SORL1: variants seen among roughly 807,000 people sequenced by gnomAD.
SORL1 encodes the protein sortilin-related receptor.
Under a neutral mutation model 273.7 loss-of-function variants are expected in SORL1, and 127 were observed. The ratio of observed to expected loss-of-function variants is 0.46; its 90% CI spans 0.40 to 0.54. The LOEUF is 0.54. SORL1 is among the 20% of genes least tolerant of loss of function. The pLI, the probability that SORL1 is intolerant of heterozygous loss-of-function variation, is 0.00. For missense variants in SORL1, 2,494 were observed against 2,846.1 expected (o/e 0.88, Z 2.81); for synonymous variants, 1,031 against 1,067.4 (o/e 0.97, Z 0.66).
intron 23 of SORL1, among the ~76,000 whole-genome samples, chr11:121,572,950 A>G (rs1217910274): frequency 1.3e-5 from 2 of 151,942 alleles, no homozygotes; most frequent in East Asian, 3.9e-4. Flanking sequence ...GTGCACGACA[A>G]CCCCTCCCCC....
intron 14 of SORL1, among the ~76,000 whole-genome samples, chr11:121,547,417 C>CAAAAAAAAAAAAAAAAAAAAAAAA (rs67390938): frequency 1.2e-4 from 3 of 24,034 alleles, no homozygotes; most frequent in Admixed American, 6.9e-4. Flanking sequence ...CAACCCTCAC[C>CAAAAAAAAAAAAAAAAAAAAAAAA]AAAAAAAAAA....
At chr11:121,537,945 C>A (rs1306204103) in intron 12 of SORL1, among the ~76,000 whole-genome samples, 1 of 152,182 alleles carries the variant, frequency 6.6e-6, no homozygotes, top group African/African-American at 2.4e-5. Flanking sequence ...TGATGAATAT[C>A]CTCGGTTCCT....
At chr11:121,524,461 G>C (rs1432229678) in intron 11 of SORL1, among the ~76,000 whole-genome samples, 1 of 152,200 alleles carries the variant, frequency 6.6e-6, no homozygotes, top group African/African-American at 2.4e-5. Flanking sequence ...CTTATTTTGG[G>C]ACATAGCAGA....
chr11:121,558,910 C>A (rs1243208457), intron 20 of SORL1, 73 bp downstream of exon 20: 1 of 1,567,548 alleles, frequency 6.4e-7, no homozygotes, highest in Non-Finnish European at 8.7e-7. Context: ...AGCCTGCATC[C>A]CTGGGCTTTG....
chr11:121,508,267 A>G, intron 6 of SORL1, among the ~76,000 whole-genome samples: 1 of 152,138 alleles, frequency 6.6e-6, no homozygotes, highest in Non-Finnish European at 1.5e-5. Context: ...TTCTTTCTTG[A>G]GCATACTCAC....
Position 121,543,625 on chromosome 11 carries a change from C to T in SORL1, c.1763C>T (p.Thr588Ile), listed in dbSNP as rs752726649. ...EKPVFVYGLL[T>I]EPGEKSTVFT... ...CCAGTGTTTGTGTATGGCCTCCTCA[C>T]AGAACCTGGGGAGAAGAGCACTGTC... Residue 588 changes from threonine to isoleucine, a missense_variant, in exon 13 of 48, where the codon ACA becomes ATA. Around this residue, in one of 3 missense-constraint regions of SORL1, gnomAD observed 710 missense variants for 882.5 expected, o/e 0.80. Coordinates refer to ENST00000260197, the MANE Select transcript of SORL1 (RefSeq NM_003105.6). 10 of 1,614,008 alleles carry T rather than the reference C, an allele frequency of 6.2e-6. No homozygotes were observed. Among genetic ancestry groups the T allele is most frequent in the African/African-American group, 1.3e-5 (1 of 74,938 alleles).
In SORL1 at chr11:121,598,453, C is replaced by T. The variant is rs561740769; in HGVS notation, c.4519+2681C>T. The stretch of plus-strand genomic sequence containing the variant: ...GAGTCGCAGCTTTCCCTGGGTGGGG[C>T]TAGCACGATGGTGGGTTCATTGATT... On this transcript the variant is annotated intron_variant, in intron 32 of 47. Transcript: ENST00000260197. 2.6e-5 allele frequency among the ~76,000 whole-genome samples: 4 copies of T among 152,266 alleles called. No individual in the cohort carries two copies. The East Asian group carries it at 7.7e-4, about 29-fold the overall frequency.
intron 5 of SORL1, among the ~76,000 whole-genome samples, chr11:121,492,001 T>C (rs1304830431): frequency 3.9e-5 from 6 of 152,136 alleles, no homozygotes; most frequent in African/African-American, 9.7e-5. Flanking sequence ...CTCATTCCAG[T>C]CTTTGCTCAA....
chr11:121,497,543 G>A (rs2134824597), intron 6 of SORL1, among the ~76,000 whole-genome samples: 1 of 152,308 alleles, frequency 6.6e-6, no homozygotes, highest in East Asian at 1.9e-4. Flanking sequence ...CAGTAATTAA[G>A]CTTCCAGCTG....
At chr11:121,604,771 A>G (rs1010524597) in intron 33 of SORL1, among the ~76,000 whole-genome samples, 1 of 152,148 alleles carries the variant, frequency 6.6e-6, no homozygotes, top group Non-Finnish European at 1.5e-5. Flanking sequence ...TCACGACCGG[A>G]AAAGTAGGAG....
chr11:121,581,853 C>G (rs1863019937), intron 25 of SORL1, among the ~76,000 whole-genome samples: 2 of 152,096 alleles, frequency 1.3e-5, no homozygotes, highest in South Asian at 4.2e-4. Context: ...TTGGTTTAGG[C>G]AACTTTATAT....
intron 3 of SORL1, among the ~76,000 whole-genome samples, chr11:121,478,643 C>T (rs1039451874): frequency 6.6e-5 from 10 of 151,966 alleles, no homozygotes; most frequent in Non-Finnish European, 1.5e-4. Flanking sequence ...TGCTTGTATG[C>T]GTGTGTGTGC....
intron 3 of SORL1, among the ~76,000 whole-genome samples, chr11:121,479,246 G>A (rs369619615): frequency 2.0e-5 from 3 of 152,252 alleles, no homozygotes; most frequent in East Asian, 1.9e-4. Context: ...CCGGGCAGCC[G>A]GCAAGGCTTT....
chr11:121,599,043 G>C (rs1309595534), intron 32 of SORL1, among the ~76,000 whole-genome samples: 1 of 151,802 alleles, frequency 6.6e-6, no homozygotes, highest in Non-Finnish European at 1.5e-5. Context: ...TTATTTGTTT[G>C]TTTATTTTAG....
chr11:121,576,739 C>G (rs1360607887), intron 24 of SORL1: 4 of 1,455,214 alleles, frequency 2.7e-6, no homozygotes, highest in Non-Finnish European at 3.6e-6. Context: ...CGCATCCACC[C>G]GTGTCCCTGG....
At chr11:121,480,481 C>T (rs138404605) in intron 3 of SORL1, among the ~76,000 whole-genome samples, 203 of 152,184 alleles carry the variant, frequency 1.3e-3, no homozygotes, top group African/African-American at 4.5e-3. Context: ...CTCACTCTTG[C>T]GGAGGTTGTG....
At chr11:121,459,678 G>A (rs1860961471) in intron 1 of SORL1, among the ~76,000 whole-genome samples, 1 of 152,360 alleles carries the variant, frequency 6.6e-6, no homozygotes, top group Admixed American at 6.5e-5. Context: ...CTAAGGTGGA[G>A]CGCAGACCCT....
Position 121,629,682 on chromosome 11 carries a change from A to G in SORL1, c.*119A>G, listed in dbSNP as rs1261762563. 6.6e-6 allele frequency: 4 copies of G among 605,554 alleles called. No homozygotes were observed. The highest frequency in any genetic ancestry group is 1.2e-5 in the Non-Finnish European group (4 of 340,602). 37.5% of individuals were successfully genotyped at this position (605,554 alleles called of 1,614,324 possible). On this transcript the variant is annotated 3_prime_UTR_variant, in exon 48 of 48. Transcript: ENST00000260197. ...ATATGTTATTTTTATATGGGCCAAA[A>G]ACAAAAAACAAAAAAAAAAAAAAGG...
rs764978810 is a variant in SORL1 at position 121,550,127 on chromosome 11, G to C, written c.2180+39G>C. 2.5e-6 allele frequency: 4 copies of C among 1,598,738 alleles called. No individual in the cohort carries two copies. The South Asian group carries it at 4.5e-5, about 18-fold the overall frequency. ...AGGTTGCCCTGTCAGGTTCTCAGCG[G>C]TCCGCACATGGAGCGAGAGAGCATA... On this transcript the variant is annotated intron_variant, in intron 15 of 47. Coordinates refer to ENST00000260197, the MANE Select transcript of SORL1 (RefSeq NM_003105.6). This position sits in a 1 kb window ranked among gnomAD's most constrained non-coding sequence, Gnocchi z 5.3.
Sources: allele counts gnomAD v4.1 joint callset (sites outside exome capture counted in the v4.1 genomes callset), GRCh38; gene constraint gnomAD v4.1.1; regional missense constraint gnomAD v4.1.1; non-coding constraint Gnocchi (gnomAD v3.1); transcripts MANE v1.5; gene names NCBI Gene and HGNC (gene_info 2026-07-23, HGNC 2026-07-21).